The following MECR variants were observed in gnomAD, a reference collection of about 807,000 sequenced individuals.
MECR encodes mitochondrial trans-2-enoyl-CoA reductase, also known as enoyl-[acyl-carrier-protein] reductase, mitochondrial.
In MECR, 37 loss-of-function variants were observed where a neutral mutation model predicts 49.1. The observed-to-expected ratio is 0.75, with a 90% confidence interval of 0.58 to 0.99. MECR has a LOEUF of 0.99. MECR is among the 50% of genes least tolerant of loss of function. MECR has a pLI of 0.00. For synonymous variants in MECR, 198 were observed against 191.1 expected (o/e 1.04, Z -0.30); for missense variants, 470 against 479.6 (o/e 0.98, Z 0.19).
At chr1:29,176,768 A>G in the MECR span, among the ~76,000 whole-genome samples, 1 of 152,336 alleles carries the variant, frequency 6.6e-6, no homozygotes, top group Admixed American at 6.5e-5. Context: ...AACAAGGGCG[A>G]AAACAAAAAT....
intron 1 of MECR, 95 bp downstream of exon 1, chr1:29,230,636 C>T: frequency 2.7e-6 from 4 of 1,460,488 alleles, no homozygotes; most frequent in Non-Finnish European, 3.7e-6. Flanking sequence ...CTGCCCCCTT[C>T]CTCGGACCCT....
At chr1:29,207,131 T>C (rs1212426132) in intron 3 of MECR, among the ~76,000 whole-genome samples, 2 of 152,162 alleles carry the variant, frequency 1.3e-5, no homozygotes, top group Non-Finnish European at 2.9e-5. Flanking sequence ...CTTTTTAATT[T>C]TTTTTTTGGA....
intron 2 of MECR, 143 bp from the exon 3 acceptor site, chr1:29,216,279 G>T (rs1006229567): frequency 3.3e-6 from 3 of 909,394 alleles, no homozygotes; most frequent in African/African-American, 3.3e-5. Context: ...TAGCTTGCTT[G>T]TCTGTATAGG....
intron 1 of MECR, among the ~76,000 whole-genome samples, chr1:29,221,383 G>C (rs1680733313): frequency 6.6e-6 from 1 of 152,162 alleles, no homozygotes; most frequent in Non-Finnish European, 1.5e-5. Flanking sequence ...TTGGAAGAAA[G>C]GATACCATAG....
the MECR span, among the ~76,000 whole-genome samples, chr1:29,179,308 T>C: frequency 6.6e-6 from 1 of 152,222 alleles, no homozygotes; most frequent in African/African-American, 2.4e-5. Flanking sequence ...ACACCAATTA[T>C]GACATTAAAA....
intron 4 of MECR, among the ~76,000 whole-genome samples, chr1:29,203,642 T>C (rs1455767858): frequency 6.6e-6 from 1 of 152,266 alleles, no homozygotes; most frequent in Non-Finnish European, 1.5e-5. Context: ...GCAGCTCAAG[T>C]GCAGCCTTCA....
At chr1:29,212,892 C>T (rs1224297248) in intron 3 of MECR, among the ~76,000 whole-genome samples, 1 of 152,226 alleles carries the variant, frequency 6.6e-6, no homozygotes, top group Non-Finnish European at 1.5e-5. Context: ...CCACCCTGAG[C>T]TACCTGCAGT....
rs113492552 is a variant in MECR, at chr1:29,199,288, C to T, written c.830+1228G>A. ...TGTCGCCCAGGCTGGAGTGCAGTGGCGCAATCTCGGCCCACCGCAAGCTCT... is the reference window on the plus strand; with the variant it reads ...TGTCGCCCAGGCTGGAGTGCAGTGGTGCAATCTCGGCCCACCGCAAGCTCT... On this transcript the variant is annotated intron_variant, in intron 7 of 9. Coordinates refer to ENST00000263702, the MANE Select transcript of MECR (RefSeq NM_016011.5). 7.9e-3 allele frequency among the ~76,000 whole-genome samples: 1,190 copies of T among 151,494 alleles called. 5 individuals are homozygous for T. The highest frequency in any genetic ancestry group is 0.01 in the Non-Finnish European group (697 of 67,804).
At chr1:29,177,103 C>G in the MECR span, among the ~76,000 whole-genome samples, 1 of 152,102 alleles carries the variant, frequency 6.6e-6, no homozygotes, top group South Asian at 2.1e-4. Context: ...CTAGTGTACT[C>G]AAAATTCTTT....
At chr1:29,215,521 G>A (rs1011035790) in intron 3 of MECR, among the ~76,000 whole-genome samples, 5 of 149,694 alleles carry the variant, frequency 3.3e-5, no homozygotes, top group South Asian at 2.1e-4. Flanking sequence ...GCAGTAAGCC[G>A]AGATCGCGTC....
At chr1:29,204,671 A>G (rs1676143329) in intron 4 of MECR, among the ~76,000 whole-genome samples, 1 of 152,206 alleles carries the variant, frequency 6.6e-6, no homozygotes, top group South Asian at 2.1e-4. Context: ...TGAGGCAGGA[A>G]AGTGGAGAGG....
At chr1:29,222,354 C>T (rs1211284405) in intron 1 of MECR, among the ~76,000 whole-genome samples, 1 of 152,144 alleles carries the variant, frequency 6.6e-6, no homozygotes, top group Non-Finnish European at 1.5e-5. Context: ...GCCTGGGCCT[C>T]CCAAAATGCT....
intron 7 of MECR, 63 bp downstream of exon 7, chr1:29,200,453 G>A: frequency 6.7e-7 from 1 of 1,494,238 alleles, no homozygotes; most frequent in Non-Finnish European, 9.3e-7. Flanking sequence ...TCACTTGATG[G>A]TCCTCCCAGC....
At chr1:29,173,960 G>C in the MECR span, among the ~76,000 whole-genome samples, 1 of 151,598 alleles carries the variant, frequency 6.6e-6, no homozygotes, top group Non-Finnish European at 1.5e-5. Flanking sequence ...AGGATGAGGT[G>C]GGCGGATCAC....
chr1:29,177,137 T>C, the MECR span, among the ~76,000 whole-genome samples: 2 of 152,288 alleles, frequency 1.3e-5, no homozygotes, highest in Non-Finnish European at 2.9e-5. Context: ...AAATGGCTTA[T>C]TATAAAAAAT....
intron 3 of MECR, among the ~76,000 whole-genome samples, chr1:29,207,814 C>A (rs1676992843): frequency 6.6e-6 from 1 of 152,128 alleles, no homozygotes; most frequent in African/African-American, 2.4e-5. Context: ...TTCAGAGAGG[C>A]TGCTTCTCTG....
At chr1:29,192,425 C>A (rs564160152), downstream of MECR, among the ~76,000 whole-genome samples, 14 of 152,306 alleles carry the variant, frequency 9.2e-5, no homozygotes, top group Admixed American at 4.6e-4. Flanking sequence ...TCGGGCAGAA[C>A]TGGGGCCCCT....
At chr1:29,175,699 A>AAG in the MECR span, among the ~76,000 whole-genome samples, 1 of 143,958 alleles carries the variant, frequency 6.9e-6, no homozygotes, top group Non-Finnish European at 1.5e-5. Flanking sequence ...TGTCTCAAAA[A>AAG]AAAAAAAAAA....
chr1:29,203,587 CCTT>C (rs1255501678), intron 4 of MECR, among the ~76,000 whole-genome samples: 8 of 152,246 alleles, frequency 5.3e-5, no homozygotes, highest in East Asian at 1.9e-4. Context: ...ATGTTTCCCT[CCTT>C]CTCTCTTCCT....
Sources: gnomAD v4.1 joint callset for allele counts (sites outside exome capture counted in the v4.1 genomes callset) on GRCh38, gnomAD v4.1.1 for gene constraint, MANE v1.5 for transcripts, NCBI Gene and HGNC (gene_info 2026-07-23, HGNC 2026-07-21) for gene names.